The following XIRP2 variants were observed in gnomAD, a reference collection of about 807,000 sequenced individuals.
XIRP2 encodes xin actin-binding repeat-containing protein 2.
A neutral mutation model predicts 277.0 loss-of-function variants in XIRP2; 236 were observed. That is an observed-to-expected ratio of 0.85 (90% CI 0.77 to 0.95). The LOEUF is 0.95. Among genes scored for constraint, XIRP2 ranks in the 40% least tolerant of loss-of-function variants. The pLI, the probability that XIRP2 is intolerant of heterozygous loss-of-function variation, is 0.00. For synonymous variants in XIRP2, 1,490 were observed against 1,416.5 expected (o/e 1.05, Z -1.17); for missense variants, 4,640 against 4,157.5 (o/e 1.12, Z -3.19).
chr2:167,244,556 C>T lies in XIRP2; in HGVS notation c.3164C>T (p.Ala1055Val), dbSNP rs767647705. Residue 1055 changes from alanine (A) to valine (V), a missense_variant, in exon 9 of 11, where the codon GCC becomes GTC. Ala to Val is a moderately conservative substitution (Grantham distance 64, BLOSUM62 0). Transcript: ENST00000409195. ...QEIQTGNVKS[A>V]KWLFETQPLD... ...ATACAGACTGGAAATGTGAAATCTG[C>T]CAAATGGTTGTTTGAAACCCAACCT... is the stretch of plus-strand genomic sequence containing the variant. 7 of 1,612,340 alleles carry T rather than the reference C, an allele frequency of 4.3e-6. No homozygotes were observed. The Admixed American group carries it at 1.0e-4, about 23-fold the overall frequency.
intron 2 of XIRP2, among the ~76,000 whole-genome samples, chr2:167,112,619 A>G (rs769672170): frequency 1.4e-3 from 206 of 148,872 alleles, no homozygotes; most frequent in Admixed American, 3.0e-3. Flanking sequence ...CTCTCTCTCT[A>G]TATATTTTTA....
chr2:167,183,351 G>A (rs1397498433), intron 3 of XIRP2, among the ~76,000 whole-genome samples: 1 of 152,120 alleles, frequency 6.6e-6, no homozygotes, highest in Non-Finnish European at 1.5e-5. Context: ...AAGGACAAAT[G>A]CAACAAAGGT....
chr2:167,108,807 T>TAC (rs1690674044), intron 2 of XIRP2, among the ~76,000 whole-genome samples: 1 of 151,528 alleles, frequency 6.6e-6, no homozygotes, highest in South Asian at 2.1e-4. Context: ...AGTGTGATTA[T>TAC]GTGTTTCTTG....
intron 3 of XIRP2, among the ~76,000 whole-genome samples, chr2:167,143,784 G>A (rs899822323): frequency 6.7e-6 from 1 of 150,340 alleles, no homozygotes; most frequent in African/African-American, 2.4e-5. Flanking sequence ...TTTCACCATC[G>A]TAAAAAAAAA....
At chr2:167,050,463 G>A (rs77548773) in intron 2 of XIRP2, among the ~76,000 whole-genome samples, 4 of 152,100 alleles carry the variant, frequency 2.6e-5, no homozygotes, top group East Asian at 1.9e-4. Context: ...CAAGTGATAC[G>A]AAAGCCCAGA....
intron 3 of XIRP2, among the ~76,000 whole-genome samples, chr2:167,154,009 G>C (rs1419171166): frequency 6.7e-6 from 1 of 149,950 alleles, no homozygotes; most frequent in Non-Finnish European, 1.5e-5. Context: ...GGTTGAACTA[G>C]TTTACAGTCC....
chr2:166,935,020 G>A (rs536560202), intron 2 of XIRP2, among the ~76,000 whole-genome samples: 2 of 146,218 alleles, frequency 1.4e-5, no homozygotes, highest in African/African-American at 2.4e-5. Flanking sequence ...GACAGAGGGC[G>A]ACTCCTTCTC....
At chr2:167,146,717 A>C (rs1691874681) in intron 3 of XIRP2, among the ~76,000 whole-genome samples, 1 of 152,120 alleles carries the variant, frequency 6.6e-6, no homozygotes, top group African/African-American at 2.4e-5. Flanking sequence ...CTGAATTTTA[A>C]AGGACCAGTT....
chr2:166,891,004 C>T (rs987975730), intron 1 of XIRP2, among the ~76,000 whole-genome samples: 15 of 152,132 alleles, frequency 9.9e-5, no homozygotes, highest in African/African-American at 3.6e-4. Context: ...TAATGCAGCT[C>T]CCAGAGCTGG....
At chr2:167,198,027 G>C (rs1429374591) in intron 3 of XIRP2, among the ~76,000 whole-genome samples, 1 of 152,098 alleles carries the variant, frequency 6.6e-6, no homozygotes, top group Non-Finnish European at 1.5e-5. Context: ...TATAGCATTA[G>C]GTTTTGAATC....
chr2:167,184,049 G>A (rs1010669731), intron 3 of XIRP2, among the ~76,000 whole-genome samples: 1 of 152,070 alleles, frequency 6.6e-6, no homozygotes, highest in Admixed American at 6.6e-5. Context: ...CACACCATGC[G>A]AAGCTTCCGA....
Position 167,240,703 on chromosome 2 carries a change from G to A in XIRP2, c.1009G>A (p.Ala337Thr). ...LEKHTEEVNQ[A>T]SQFHQYVQET... Reference sequence around the variant, plus strand: ...AAAGCACACCGAGGAAGTAAACCAAGCATCTCAGTTTCATCAATATGTTCA... The same window carrying A: ...AAAGCACACCGAGGAAGTAAACCAAACATCTCAGTTTCATCAATATGTTCA... Residue 337 changes from alanine to threonine, a missense_variant, in exon 7 of 11, where the codon GCA (alanine) becomes ACA (threonine). Transcript: ENST00000409195. 1.9e-6 allele frequency: 3 copies of A among 1,613,804 alleles called. No homozygotes were observed. Among genetic ancestry groups the A allele is most frequent in the African/African-American group, 2.7e-5 (2 of 74,994 alleles).
At chr2:167,095,784 GT>G (rs1368115121) in intron 2 of XIRP2, among the ~76,000 whole-genome samples, 2 of 135,268 alleles carry the variant, frequency 1.5e-5, no homozygotes, top group Non-Finnish European at 3.2e-5. Context: ...CTTTTTTGTT[GT>G]GTCTCTGCTA....
intron 3 of XIRP2, among the ~76,000 whole-genome samples, chr2:167,158,718 T>C (rs1280491102): frequency 4.6e-5 from 7 of 152,348 alleles, no homozygotes; most frequent in Non-Finnish European, 2.9e-5. Context: ...TCAATAACAA[T>C]TTCAAATACA....
chr2:167,023,607 T>C (rs532542553), intron 2 of XIRP2, among the ~76,000 whole-genome samples: 24 of 152,350 alleles, frequency 1.6e-4, no homozygotes, highest in African/African-American at 5.3e-4. Flanking sequence ...TGTAAGTCTT[T>C]AATCCATCTT....
intron 2 of XIRP2, among the ~76,000 whole-genome samples, chr2:167,018,670 G>A (rs952262857): frequency 7.2e-5 from 11 of 152,104 alleles, no homozygotes; most frequent in African/African-American, 1.9e-4. Flanking sequence ...TGGTTGCCAG[G>A]GCTGTCAGTC....
At chr2:167,085,984 T>G (rs947495387) in intron 2 of XIRP2, among the ~76,000 whole-genome samples, 52 of 152,182 alleles carry the variant, frequency 3.4e-4, no homozygotes, top group African/African-American at 1.1e-3. Context: ...ATCCTGTCAT[T>G]ATGATGTTAG....
At chr2:166,989,544 A>G (rs1036684304) in intron 2 of XIRP2, among the ~76,000 whole-genome samples, 1 of 39,350 alleles carries the variant, frequency 2.5e-5, no homozygotes, top group Admixed American at 4.1e-4. Flanking sequence ...AGGACATTCA[A>G]ACCAAAGGCA....
intron 3 of XIRP2, among the ~76,000 whole-genome samples, chr2:167,155,963 A>G (rs1197998616): frequency 6.7e-6 from 1 of 150,208 alleles, no homozygotes. Flanking sequence ...ACAGACAAAC[A>G]GAGAGCCAAA....
Sources: gnomAD v4.1 joint callset for allele counts (sites outside exome capture counted in the v4.1 genomes callset) on GRCh38, gnomAD v4.1.1 for gene constraint, MANE v1.5 for transcripts, NCBI Gene and HGNC (gene_info 2026-07-23, HGNC 2026-07-21) for gene names.